Variants in CADM2 observed in about 807,000 individuals in gnomAD.
CADM2 encodes the protein cell adhesion molecule 2.
Under a neutral mutation model 49.8 loss-of-function variants are expected in CADM2, and 12 were observed. The observed-to-expected ratio is 0.24, with a 90% confidence interval of 0.15 to 0.39. CADM2 has a LOEUF of 0.39. Ranked by LOEUF, CADM2 falls within the 10% of genes least tolerant of loss-of-function variation. CADM2 has a pLI of 1.00. For synonymous variants in CADM2, 214 were observed against 175.4 expected (o/e 1.22, Z -1.74); for missense variants, 378 against 492.3 (o/e 0.77, Z 2.20).
Position 85,699,653 on chromosome 3 carries a change from C to T in CADM2, c.62-26869C>T, listed in dbSNP as rs541199332. 4.6e-4 allele frequency among the ~76,000 whole-genome samples: 70 copies of T among 152,280 alleles called. 1 individual carries two copies. Among genetic ancestry groups the T allele is most frequent in the African/African-American group, 1.6e-3 (68 of 41,552 alleles). Reference sequence around the variant, plus strand: ...CAGCTGGGATGCAGGGAGCATTGTCCCAATGCTCCACAGAGCAGTAGAGTC... The same window carrying T: ...CAGCTGGGATGCAGGGAGCATTGTCTCAATGCTCCACAGAGCAGTAGAGTC... On this transcript the variant is annotated intron_variant, in intron 1 of 9. Coordinates refer to ENST00000383699, the MANE Select transcript of CADM2 (RefSeq NM_001167675.2).
rs529011592 is a variant in CADM2 at position 84,986,614 on chromosome 3, G to A, written c.61+26946G>A. Among the ~76,000 whole-genome samples the A allele has an allele frequency of 5.9e-5, 9 of 151,778 alleles. No homozygotes were observed. The East Asian group carries it at 9.8e-4, about 16-fold the overall frequency. On this transcript the variant is annotated intron_variant, in intron 1 of 9. Transcript: ENST00000383699. ...TCTGGGGACTGTTGTGGGGTGGGGG[G>A]AGCGGGGAGGGATAGCATTAGGAGA...
chr3:85,359,737 G>C (rs1474151904), intron 1 of CADM2, among the ~76,000 whole-genome samples: 1 of 139,638 alleles, frequency 7.2e-6, no homozygotes, highest in Admixed American at 7.5e-5. Context: ...CTAATAGTAA[G>C]CAAGTTGAGA....
At chr3:85,294,921 A>G (rs1425722378) in intron 1 of CADM2, among the ~76,000 whole-genome samples, 4 of 152,212 alleles carry the variant, frequency 2.6e-5, no homozygotes, top group East Asian at 3.9e-4. Flanking sequence ...AATGGCAACA[A>G]AAGCCAAAAT....
Position 85,580,643 on chromosome 3 carries a change from A to G in CADM2, c.62-145879A>G, listed in dbSNP as rs556802737. Among the ~76,000 whole-genome samples the G allele has an allele frequency of 2.2e-4, 33 of 152,216 alleles. No homozygotes were observed. The South Asian group carries it at 4.6e-3, about 21-fold the overall frequency. ...ACCTAAATAATGACCTATTTTTTCT[A>G]TCTTTCCTGGTATCAAATAAAAGTC... On this transcript the variant is annotated intron_variant, in intron 1 of 9. Transcript: ENST00000383699.
chr3:85,290,267 G>A (rs969742095), intron 1 of CADM2, among the ~76,000 whole-genome samples: 18 of 152,118 alleles, frequency 1.2e-4, no homozygotes, highest in Admixed American at 8.5e-4. Flanking sequence ...ATTATATCCC[G>A]CACCTGGCTC....
rs565154300 is a variant in CADM2 at position 85,159,176 on chromosome 3, A to G, written c.61+199508A>G. Among the ~76,000 whole-genome samples, 24 of 152,352 alleles carry G rather than the reference A, an allele frequency of 1.6e-4. No homozygotes were observed. The Middle Eastern group carries it at 0.014, about 86-fold the overall frequency. The stretch of plus-strand genomic sequence containing the variant: ...AAAAATAATTTTACATGATTGCATC[A>G]TATTCTGTCATAGAAATAGAACGTA... On this transcript the variant is annotated intron_variant, in intron 1 of 9. Transcript: ENST00000383699.
intron 1 of CADM2, among the ~76,000 whole-genome samples, chr3:85,228,321 T>C (rs1576166375): frequency 6.6e-6 from 1 of 152,048 alleles, no homozygotes; most frequent in East Asian, 1.9e-4. Context: ...CTTTGTTCAC[T>C]TCTTTTCACT....
chr3:85,193,611 A>G (rs1308933081), intron 1 of CADM2, among the ~76,000 whole-genome samples: 2 of 151,980 alleles, frequency 1.3e-5, no homozygotes, highest in East Asian at 3.9e-4. Context: ...TTCCAGACAA[A>G]AAAAGTTAGC....
chr3:85,923,335 T>C lies in CADM2; in HGVS notation c.700+10792T>C, dbSNP rs76026771. 7.9e-3 allele frequency among the ~76,000 whole-genome samples: 1,206 copies of C among 152,266 alleles called. 18 individuals are homozygous for C. The highest frequency in any genetic ancestry group is 0.026 in the African/African-American group (1,064 of 41,554). The stretch of plus-strand genomic sequence containing the variant: ...GAAACTGTTCCAACTCATCTATTTT[T>C]GAGCTTGATAGAATTTATCTAGAGT... On this transcript the variant is annotated intron_variant, in intron 6 of 9. Transcript: ENST00000383699.
At chr3:85,907,336 C>G (rs1350983421) in intron 5 of CADM2, among the ~76,000 whole-genome samples, 2 of 152,178 alleles carry the variant, frequency 1.3e-5, no homozygotes, top group Non-Finnish European at 2.9e-5. Context: ...AGTTCAAGTT[C>G]CATATAAGCA....
intron 1 of CADM2, among the ~76,000 whole-genome samples, chr3:84,979,694 TA>T (rs1244771745): frequency 2.0e-4 from 29 of 146,360 alleles, no homozygotes; most frequent in Non-Finnish European, 2.9e-4. Context: ...CCATAGAGAC[TA>T]AAAAAAAAAG....
At chr3:85,660,193 T>C (rs570816661) in intron 1 of CADM2, among the ~76,000 whole-genome samples, 50 of 152,238 alleles carry the variant, frequency 3.3e-4, no homozygotes, top group African/African-American at 1.2e-3. Context: ...ATTTCTGTAT[T>C]TTTGTTAAAA....
At chr3:85,669,027 T>A (rs1177625377) in intron 1 of CADM2, among the ~76,000 whole-genome samples, 1 of 152,140 alleles carries the variant, frequency 6.6e-6, no homozygotes, top group Non-Finnish European at 1.5e-5. Flanking sequence ...CCTGATAAAA[T>A]GTAAATGTGG....
intron 1 of CADM2, among the ~76,000 whole-genome samples, chr3:84,965,308 G>A (rs559026562): frequency 7.2e-4 from 110 of 152,248 alleles, no homozygotes; most frequent in Non-Finnish European, 1.3e-3. Context: ...GTGTGATGAT[G>A]CAAATGGCAT....
intron 7 of CADM2, among the ~76,000 whole-genome samples, chr3:85,950,238 A>G (rs962796091): frequency 6.6e-6 from 1 of 151,254 alleles, no homozygotes; most frequent in Non-Finnish European, 1.5e-5. Context: ...ACTGGGAATT[A>G]ATATTCTGTG....
intron 1 of CADM2, among the ~76,000 whole-genome samples, chr3:85,268,639 C>T (rs2043172024): frequency 6.6e-6 from 1 of 150,916 alleles, no homozygotes; most frequent in East Asian, 1.9e-4. Flanking sequence ...CATATATACT[C>T]TCACTTAAAA....
intron 1 of CADM2, among the ~76,000 whole-genome samples, chr3:85,304,762 G>C (rs901730818): frequency 3.3e-5 from 5 of 151,656 alleles, no homozygotes; most frequent in Admixed American, 3.3e-4. Flanking sequence ...AGAATTTATT[G>C]CTTCTTTCAC....
intron 1 of CADM2, among the ~76,000 whole-genome samples, chr3:85,378,084 G>T (rs1576447786): frequency 6.6e-6 from 1 of 151,874 alleles, no homozygotes; most frequent in Non-Finnish European, 1.5e-5. Flanking sequence ...TTCTATCATT[G>T]TGAACCACAA....
In CADM2 at chr3:85,609,621, A is replaced by G. The variant is rs183804363; in HGVS notation, c.62-116901A>G. Among the ~76,000 whole-genome samples the G allele has an allele frequency of 2.0e-3, 297 of 152,256 alleles. 3 individuals are homozygous for G. Among genetic ancestry groups the G allele is most frequent in the Middle Eastern group, 0.01 (3 of 294 alleles). ...CAGCCTGGAATTTGAATAGTAGCAC[A>G]AATGGTTCAATTGCTTTTAAGGCTA... On this transcript the variant is annotated intron_variant, in intron 1 of 9. Coordinates refer to ENST00000383699, the MANE Select transcript of CADM2 (RefSeq NM_001167675.2).
Sources: allele counts gnomAD v4.1 joint callset (sites outside exome capture counted in the v4.1 genomes callset), GRCh38; gene constraint gnomAD v4.1.1; transcripts MANE v1.5; gene names NCBI Gene and HGNC (gene_info 2026-07-23, HGNC 2026-07-21).